IBTK: variants seen among roughly 807,000 people sequenced by gnomAD.
IBTK encodes BTK-binding protein.
IBTK carries 83 observed loss-of-function variants against 154.9 expected under a neutral mutation model. The observed-to-expected ratio is 0.54, with a 90% CI of 0.45 to 0.64. The LOEUF is 0.64. Among genes scored for constraint, IBTK ranks in the 30% least tolerant of loss-of-function variants. IBTK has a pLI of 0.00. For synonymous variants in IBTK, 515 were observed against 536.1 expected, an observed-to-expected ratio of 0.96 and a Z score of 0.54; for missense variants, 1,332 against 1,584.6, an observed-to-expected ratio of 0.84 and a Z score of 2.71.
chr6:82,230,907 A>C (rs1439842174), intron 4 of IBTK, among the ~76,000 whole-genome samples: 7 of 152,196 alleles, frequency 4.6e-5, no homozygotes, highest in Admixed American at 3.3e-4. Flanking sequence ...TTTTACAATT[A>C]CTTACATTTA....
chr6:82,221,326 A>T (rs1770095117), intron 8 of IBTK, among the ~76,000 whole-genome samples: 1 of 152,208 alleles, frequency 6.6e-6, no homozygotes, highest in South Asian at 2.1e-4. Flanking sequence ...TCTGTCTTAA[A>T]AAAGTAAATA....
chr6:82,205,037 A>G, intron 16 of IBTK, 79 bp from the exon 17 acceptor site: 1 of 695,062 alleles, frequency 1.4e-6, no homozygotes, highest in Non-Finnish European at 2.3e-6. Context: ...AGTAATTAGT[A>G]CACTAGAAAA....
In IBTK at chr6:82,191,813, A is replaced by G; in HGVS notation, c.3405T>C (p.Cys1135=). ...CTAAATGTGACTTTGGTGTAGCTCCACATTTTTGTCTACTTTCTTCTATTT... is the reference window on the plus strand; with the variant it reads ...CTAAATGTGACTTTGGTGTAGCTCCGCATTTTTGTCTACTTTCTTCTATTT... ...IMEIEESRQK[C]GATPKSHLGK... The change falls in exon 24 of 29, where the codon TGT becomes TGC. Residue 1135 remains cysteine, a synonymous_variant. Coordinates refer to ENST00000306270, the MANE Select transcript of IBTK (RefSeq NM_015525.4). The G allele has an allele frequency of 6.2e-7, 1 of 1,609,352 alleles. No homozygotes were observed. The highest frequency in any genetic ancestry group is 8.5e-7 in the Non-Finnish European group (1 of 1,175,854).
At position 82,208,301 on chromosome 6, in the gene IBTK, G is replaced by T. The variant is rs111894741; in HGVS notation, c.2509+2513C>A. ...TTGTTAATTACACCTTAATACGACT[G>T]GGGGGGGAATTAACTCAAAATGGAT... On this transcript the variant is annotated intron_variant, in intron 16 of 28. Transcript: ENST00000306270. Among the ~76,000 whole-genome samples, 465 of 148,690 alleles carry T rather than the reference G, an allele frequency of 3.1e-3. 4 individuals are homozygous for T. The highest frequency in any genetic ancestry group is 0.011 in the African/African-American group (428 of 38,538).
intron 11 of IBTK, among the ~76,000 whole-genome samples, chr6:82,215,780 C>CAAAAAAAAAAAAA (rs59634766): frequency 1.2e-5 from 1 of 82,128 alleles, no homozygotes; most frequent in Non-Finnish European, 2.3e-5. Context: ...GACTCCATCT[C>CAAAAAAAAAAAAA]AAAAAAAAAA....
In IBTK at chr6:82,236,616, AG is replaced by A. The variant is rs146421483; in HGVS notation, c.322-2362del. ...TTTTGTAGGCAACAAGTTTCTGCTA[AG>A]GTTTTATATCTTTGGCATTAAGAAA... On this transcript the variant is annotated intron_variant, in intron 2 of 28. Transcript: ENST00000306270. Among the ~76,000 whole-genome samples the A allele has an allele frequency of 9.4e-3, 1,437 of 152,362 alleles. 20 individuals carry two copies. The highest frequency in any genetic ancestry group is 0.033 in the African/African-American group (1,359 of 41,572).
intron 11 of IBTK, among the ~76,000 whole-genome samples, chr6:82,215,439 T>C (rs541550206): frequency 6.6e-6 from 1 of 152,228 alleles, no homozygotes; most frequent in Admixed American, 6.5e-5. Flanking sequence ...GCCTAAGAAA[T>C]ATTTATAATA....
chr6:82,247,048 C>G (rs76982159), intron 1 of IBTK, among the ~76,000 whole-genome samples: 3,205 of 149,264 alleles, frequency 0.021, 122 homozygotes, highest in African/African-American at 0.073. Context: ...CCTGTCTTCT[C>G]TGTCTCTCTC....
In IBTK at chr6:82,196,452, A is replaced by C; in HGVS notation, c.3026-6T>G. 1 of 1,585,408 alleles carries C rather than the reference A, an allele frequency of 6.3e-7. No individual in the cohort carries two copies. Among genetic ancestry groups the C allele is most frequent in the South Asian group, 1.2e-5 (1 of 85,542 alleles). On this transcript the variant is annotated splice_polypyrimidine_tract_variant and splice_region_variant and intron_variant, in intron 21 of 28. Transcript: ENST00000306270. The stretch of plus-strand genomic sequence containing the variant: ...CTTACCAGACTTTAATAATCCTAAA[A>C]CATGAAATTAAAAAAAATTAAACAC...
chr6:82,247,302 C>T (rs1771188925), intron 1 of IBTK, among the ~76,000 whole-genome samples: 1 of 152,228 alleles, frequency 6.6e-6, no homozygotes, highest in Admixed American at 6.5e-5. Context: ...GCGTGTCCAG[C>T]AGGACGGGAG....
intron 18 of IBTK, 38 bp from the exon 19 acceptor site, chr6:82,201,520 A>C (rs1769211079): frequency 2.8e-6 from 4 of 1,417,520 alleles, no homozygotes; most frequent in Non-Finnish European, 3.9e-6. Context: ...TTAAGATTCA[A>C]GTGACTTGAT....
At chr6:82,235,394 C>T (rs545081708) in intron 2 of IBTK, among the ~76,000 whole-genome samples, 1 of 152,030 alleles carries the variant, frequency 6.6e-6, no homozygotes, top group South Asian at 2.1e-4. Context: ...AGGAGTTCAA[C>T]GTCAGCCTGG....
intron 21 of IBTK, among the ~76,000 whole-genome samples, chr6:82,199,105 TATG>T (rs1277896930): frequency 6.6e-6 from 1 of 152,164 alleles, no homozygotes; most frequent in African/African-American, 2.4e-5. Context: ...TTGTCTCAGG[TATG>T]ATAATGGTAT....
intron 8 of IBTK, among the ~76,000 whole-genome samples, chr6:82,221,488 T>A (rs1337052955): frequency 6.6e-6 from 1 of 152,218 alleles, no homozygotes; most frequent in Non-Finnish European, 1.5e-5. Flanking sequence ...GAAAATCATC[T>A]GTACTGCTAT....
In IBTK at chr6:82,196,231, TATTA is replaced by T. The variant is rs386703232; in HGVS notation, c.3174+63_3174+66del. On this transcript the variant is annotated intron_variant, in intron 22 of 28. Transcript: ENST00000306270. ...TAAAATTAGGGCAAAAATAAGGAAA[TATTA>T]AAGATAAACCATCTATAAATCTAAA... 2,021 of 1,258,542 alleles carry T rather than the reference TATTA, an allele frequency of 1.6e-3. 30 individuals carry two copies. The African/African-American group carries it at 0.027, about 17-fold the overall frequency. 78.0% of individuals were successfully genotyped at this position (1,258,542 alleles called of 1,614,324 possible). A position where few individuals can be genotyped will look rare whatever the true frequency, so the allele number is the denominator to read the frequency against.
At chr6:82,209,875 T>C (rs771806895) in intron 16 of IBTK, among the ~76,000 whole-genome samples, 47 of 152,218 alleles carry the variant, frequency 3.1e-4, no homozygotes, top group Non-Finnish European at 3.7e-4. Context: ...ACTCAGAGGC[T>C]AGCTTCTTAA....
chr6:82,182,931 C>A (rs1768372468), intron 25 of IBTK, among the ~76,000 whole-genome samples: 1 of 152,106 alleles, frequency 6.6e-6, no homozygotes, highest in African/African-American at 2.4e-5. Flanking sequence ...ATGACTATAG[C>A]CCTGGCCAAA....
intron 21 of IBTK, among the ~76,000 whole-genome samples, chr6:82,198,910 A>G (rs1243383758): frequency 6.6e-6 from 1 of 152,162 alleles, no homozygotes. Context: ...AAAACAAAAA[A>G]GTACAGCAGT....
At chr6:82,215,553 G>A (rs553797545) in intron 11 of IBTK, among the ~76,000 whole-genome samples, 11 of 152,132 alleles carry the variant, frequency 7.2e-5, no homozygotes, top group South Asian at 4.1e-4. Flanking sequence ...TTGGGAGGCC[G>A]AGGCTGGCGG....
Sources: allele counts gnomAD v4.1 joint callset (sites outside exome capture counted in the v4.1 genomes callset), GRCh38; gene constraint gnomAD v4.1.1; transcripts MANE v1.5; gene names NCBI Gene and HGNC (gene_info 2026-07-23, HGNC 2026-07-21).